Variants in SMAP1 observed in about 807,000 individuals in gnomAD.
SMAP1 encodes the protein small ArfGAP 1, also known as stromal membrane-associated protein 1.
Under a neutral mutation model 58.5 loss-of-function variants are expected in SMAP1, and 24 were observed. The observed-to-expected ratio is 0.41, with a 90% confidence interval of 0.30 to 0.58. SMAP1 has a LOEUF of 0.58. Ranked by LOEUF, SMAP1 falls within the 20% of genes least tolerant of loss-of-function variation. The pLI is 0.29. For synonymous variants in SMAP1, 216 were observed against 196.6 expected, an observed-to-expected ratio of 1.10 and a Z score of -0.82; for missense variants, 563 against 566.3, an observed-to-expected ratio of 0.99 and a Z score of 0.06.
At chr6:70,744,622 G>T (rs1018885097) in intron 2 of SMAP1, among the ~76,000 whole-genome samples, 3 of 152,162 alleles carry the variant, frequency 2.0e-5, no homozygotes, top group Admixed American at 1.3e-4. Context: ...GAATAGTGCT[G>T]CAGTAAACAT....
At chr6:70,693,229 T>C (rs747267066) in intron 1 of SMAP1, among the ~76,000 whole-genome samples, 1 of 152,090 alleles carries the variant, frequency 6.6e-6, no homozygotes, top group Non-Finnish European at 1.5e-5. Context: ...TTGTTCTTGT[T>C]GCCTGGACTA....
At chr6:70,725,352 G>A (rs1040085047) in intron 1 of SMAP1, among the ~76,000 whole-genome samples, 1 of 151,754 alleles carries the variant, frequency 6.6e-6, no homozygotes, top group Non-Finnish European at 1.5e-5. Context: ...TCCTGACCTC[G>A]TGATCTACCC....
chr6:70,759,574 G>A (rs903526736), intron 3 of SMAP1, among the ~76,000 whole-genome samples: 1 of 151,928 alleles, frequency 6.6e-6, no homozygotes. Flanking sequence ...TATCTTCTTG[G>A]TATCCTCACT....
At chr6:70,823,949 A>G (rs1770003214) in intron 6 of SMAP1, among the ~76,000 whole-genome samples, 1 of 151,020 alleles carries the variant, frequency 6.6e-6, no homozygotes, top group African/African-American at 2.4e-5. Context: ...CAGAAGGGTG[A>G]GGGCCACCCT....
chr6:70,790,333 T>C (rs1421839342), intron 4 of SMAP1, among the ~76,000 whole-genome samples: 4 of 152,086 alleles, frequency 2.6e-5, no homozygotes, highest in Non-Finnish European at 5.9e-5. Flanking sequence ...GTAGAGACGG[T>C]TCCCCATGTT....
At chr6:70,856,672 A>G (rs1200610905) in intron 8 of SMAP1, 187 bp from the exon 9 acceptor site, 1 of 488,650 alleles carries the variant, frequency 2.0e-6, no homozygotes, top group Non-Finnish European at 3.5e-6. Flanking sequence ...ATTAAGAAGT[A>G]CTGTCTTGAT....
chr6:70,779,663 T>C (rs1420372975), intron 4 of SMAP1, among the ~76,000 whole-genome samples: 1 of 152,208 alleles, frequency 6.6e-6, no homozygotes, highest in East Asian at 1.9e-4. Flanking sequence ...CGAGTTTCCC[T>C]GCCTCTGAGC....
At chr6:70,780,092 T>C (rs921643027) in intron 4 of SMAP1, among the ~76,000 whole-genome samples, 3 of 152,176 alleles carry the variant, frequency 2.0e-5, no homozygotes, top group African/African-American at 7.2e-5. Flanking sequence ...TATGGCCCGC[T>C]CATTATTTGA....
intron 8 of SMAP1, among the ~76,000 whole-genome samples, chr6:70,853,306 C>T (rs899240852): frequency 4.0e-5 from 6 of 151,776 alleles, no homozygotes; most frequent in African/African-American, 1.5e-4. Context: ...GCCTTCTTAA[C>T]ATTACATGGA....
chr6:70,738,125 CTAGGTAGATGAGGAG>C (rs1021376105), intron 2 of SMAP1, among the ~76,000 whole-genome samples: 11 of 152,136 alleles, frequency 7.2e-5, no homozygotes, highest in African/African-American at 2.7e-4. Context: ...TAAGCATTCA[CTAGGTAGATGAGGAG>C]TAGTTTAGAT....
At chr6:70,679,821 T>C (rs1169403686) in intron 1 of SMAP1, among the ~76,000 whole-genome samples, 1 of 152,200 alleles carries the variant, frequency 6.6e-6, no homozygotes, top group Non-Finnish European at 1.5e-5. Flanking sequence ...AATTAGTCTC[T>C]AAATTCAACA....
At chr6:70,786,815 G>A (rs1331397190) in intron 4 of SMAP1, among the ~76,000 whole-genome samples, 1 of 151,880 alleles carries the variant, frequency 6.6e-6, no homozygotes, top group Non-Finnish European at 1.5e-5. Flanking sequence ...GGACACAAAT[G>A]GAAGAACATT....
chr6:70,681,701 A>G (rs1766716670), intron 1 of SMAP1, among the ~76,000 whole-genome samples: 1 of 152,232 alleles, frequency 6.6e-6, no homozygotes, highest in African/African-American at 2.4e-5. Context: ...GTGCCAAGTC[A>G]ATTAGAATAC....
At chr6:70,831,638 G>T (rs566578419) in intron 6 of SMAP1, among the ~76,000 whole-genome samples, 1 of 152,254 alleles carries the variant, frequency 6.6e-6, no homozygotes, top group African/African-American at 2.4e-5. Flanking sequence ...TTGTGTATAT[G>T]TACCACATTT....
chr6:70,669,044 G>A (rs1441701154), intron 1 of SMAP1, among the ~76,000 whole-genome samples: 1 of 152,000 alleles, frequency 6.6e-6, no homozygotes, highest in East Asian at 1.9e-4. Flanking sequence ...ATTTTTAGCT[G>A]CTATGTTTTG....
At chr6:70,832,905 A>G (rs1266760309) in intron 6 of SMAP1, among the ~76,000 whole-genome samples, 1 of 152,196 alleles carries the variant, frequency 6.6e-6, no homozygotes, top group Non-Finnish European at 1.5e-5. Flanking sequence ...TGGGTGACAC[A>G]TTCCAACAAT....
chr6:70,715,727 A>T (rs1768240897), intron 1 of SMAP1, among the ~76,000 whole-genome samples: 1 of 151,990 alleles, frequency 6.6e-6, no homozygotes. Flanking sequence ...TGTGCACTTT[A>T]TTTCTATTTT....
At chr6:70,758,442 G>A (rs1232806289) in intron 3 of SMAP1, among the ~76,000 whole-genome samples, 1 of 151,256 alleles carries the variant, frequency 6.6e-6, no homozygotes, top group African/African-American at 2.4e-5. Context: ...AGTGGGTGCA[G>A]CACACCAGCA....
intron 3 of SMAP1, among the ~76,000 whole-genome samples, chr6:70,765,620 G>C: frequency 6.6e-6 from 1 of 152,200 alleles, no homozygotes; most frequent in Non-Finnish European, 1.5e-5. Context: ...CAACAAATAT[G>C]ATGGGCTTCC....
Sources: gnomAD v4.1 joint callset for allele counts (sites outside exome capture counted in the v4.1 genomes callset) on GRCh38, gnomAD v4.1.1 for gene constraint, MANE v1.5 for transcripts, NCBI Gene and HGNC (gene_info 2026-07-23, HGNC 2026-07-21) for gene names.